Variants in RAB3C observed in about 807,000 individuals in gnomAD.
The protein encoded by RAB3C is RAB3C, member RAS oncogene family.
A neutral mutation model predicts 26.4 loss-of-function variants in RAB3C; 17 were observed. The ratio of observed to expected loss-of-function variants is 0.64; its 90% confidence interval spans 0.44 to 0.97. The LOEUF is 0.97. Among genes scored for constraint, RAB3C ranks in the 50% least tolerant of loss-of-function variants. The pLI is 0.00. For synonymous variants in RAB3C, 91 were observed against 95.9 expected, an observed-to-expected ratio of 0.95 and a Z score of 0.30; for missense variants, 242 against 281.9, an observed-to-expected ratio of 0.86 and a Z score of 1.01.
intron 2 of RAB3C, among the ~76,000 whole-genome samples, chr5:58,675,077 G>T (rs1748194933): frequency 6.6e-6 from 1 of 152,056 alleles, no homozygotes; most frequent in Non-Finnish European, 1.5e-5. Context: ...CTACAGCTTA[G>T]GCTTTTCTTT....
At chr5:58,729,391 A>T (rs1447748960) in intron 3 of RAB3C, among the ~76,000 whole-genome samples, 5 of 151,828 alleles carry the variant, frequency 3.3e-5, no homozygotes, top group Non-Finnish European at 7.4e-5. Context: ...CTTATATTTA[A>T]ATGGTAACTC....
chr5:58,783,035 C>A (rs1742305024), intron 3 of RAB3C, among the ~76,000 whole-genome samples: 1 of 152,004 alleles, frequency 6.6e-6, no homozygotes, highest in Non-Finnish European at 1.5e-5. Context: ...TGTAACACTG[C>A]ATTTTCATAA....
At position 58,583,650 on chromosome 5, in the gene RAB3C, AGCGAATTCCGCTTGGTTAAAG is replaced by A. The variant is rs1178736253; in HGVS notation, c.24+422_24+442del. Among the ~76,000 whole-genome samples, 4 of 152,122 alleles carry A rather than the reference AGCGAATTCCGCTTGGTTAAAG, an allele frequency of 2.6e-5. No homozygotes were observed. In the South Asian group the frequency reaches 8.3e-4, roughly 32 times the overall value. Reference sequence around the variant, plus strand: ...AGGCTCCCCACTGGAGTCGGCATAGAGCGAATTCCGCTTGGTTAAAGGCGCATTAAATAAAGAGAAGCCAAT... The same window carrying A: ...AGGCTCCCCACTGGAGTCGGCATAGAGCGCATTAAATAAAGAGAAGCCAAT... On this transcript the variant is annotated intron_variant, in intron 1 of 4. Coordinates refer to ENST00000282878, the MANE Select transcript of RAB3C (RefSeq NM_138453.4).
chr5:58,688,171 G>A (rs159002), intron 2 of RAB3C, among the ~76,000 whole-genome samples: 86,964 of 151,854 alleles, frequency 0.57, 25,362 homozygotes, highest in African/African-American at 0.67. Flanking sequence ...AAGGAATCTC[G>A]TAAAGATGTT....
intron 3 of RAB3C, among the ~76,000 whole-genome samples, chr5:58,797,365 T>A (rs1255487132): frequency 0.42 from 12,617 of 30,372 alleles, 1,750 homozygotes; most frequent in Middle Eastern, 0.54. Context: ...TATGTATATA[T>A]ATAATATATA....
At chr5:58,678,339 C>A (rs1409673870) in intron 2 of RAB3C, among the ~76,000 whole-genome samples, 2 of 151,962 alleles carry the variant, frequency 1.3e-5, no homozygotes, top group East Asian at 3.9e-4. Flanking sequence ...CTACAAATAG[C>A]TGAAATTTTT....
chr5:58,851,254 C>G lies in RAB3C; in HGVS notation c.587C>G (p.Ser196Ter). ...RLVDIICDKM[S>*]ESLETDPAIT... ...GTGGATATCATCTGCGACAAAATGT[C>G]AGAGAGTTTGGAGACTGATCCTGCC... Residue 196 changes from serine to a stop codon, truncating the protein, a stop_gained, in exon 5 of 5, where the codon TCA becomes TGA. Transcript: ENST00000282878. LOFTEE classifies it high-confidence loss of function. 6.2e-7 allele frequency: 1 copy of G among 1,613,936 alleles called. No homozygotes were observed. The highest frequency in any genetic ancestry group is 8.5e-7 in the Non-Finnish European group (1 of 1,179,908).
At chr5:58,742,264 C>A (rs1561306964) in intron 3 of RAB3C, among the ~76,000 whole-genome samples, 1 of 152,176 alleles carries the variant, frequency 6.6e-6, no homozygotes, top group Non-Finnish European at 1.5e-5. Context: ...GCTTCATTGC[C>A]ACTGAAGTTA....
intron 2 of RAB3C, among the ~76,000 whole-genome samples, chr5:58,696,916 A>G (rs1241076677): frequency 6.6e-6 from 1 of 151,964 alleles, no homozygotes. Context: ...TTGTGTCTCT[A>G]TCTCTTTCAG....
chr5:58,606,085 C>T (rs1344724724), intron 1 of RAB3C, among the ~76,000 whole-genome samples: 1 of 152,174 alleles, frequency 6.6e-6, no homozygotes, highest in Admixed American at 6.5e-5. Flanking sequence ...TGAGCTGAAG[C>T]AGGGTGGGGC....
intron 3 of RAB3C, among the ~76,000 whole-genome samples, chr5:58,761,009 A>G (rs180733179): frequency 9.3e-5 from 14 of 151,348 alleles, no homozygotes; most frequent in Non-Finnish European, 2.9e-5. Flanking sequence ...ATAGAACATG[A>G]GTTATATATG....
In RAB3C at chr5:58,777,863, C is replaced by T. The variant is rs190808449; in HGVS notation, c.372-47175C>T. Among the ~76,000 whole-genome samples, 289 of 151,848 alleles carry T rather than the reference C, an allele frequency of 1.9e-3. 2 individuals carry two copies. Among genetic ancestry groups the T allele is most frequent in the African/African-American group, 6.5e-3 (268 of 41,420 alleles). The stretch of plus-strand genomic sequence containing the variant: ...TGTGGTGTTTGGTTTTTTGTCCTTG[C>T]GATAGTTTTCTGAGAATGATGATTT... On this transcript the variant is annotated intron_variant, in intron 3 of 4. Coordinates refer to ENST00000282878, the MANE Select transcript of RAB3C (RefSeq NM_138453.4).
At chr5:58,672,490 T>A (rs1048877819) in intron 2 of RAB3C, among the ~76,000 whole-genome samples, 5 of 152,186 alleles carry the variant, frequency 3.3e-5, no homozygotes, top group African/African-American at 1.2e-4. Context: ...TTCTCGAAGG[T>A]CATATCTATG....
chr5:58,721,192 C>T (rs1168894127), intron 2 of RAB3C, among the ~76,000 whole-genome samples: 2 of 146,560 alleles, frequency 1.4e-5, no homozygotes, highest in Non-Finnish European at 3.0e-5. Flanking sequence ...CAAAATTCCC[C>T]TAAAAACATG....
chr5:58,625,749 T>G (rs570421844), intron 2 of RAB3C, among the ~76,000 whole-genome samples: 2 of 151,260 alleles, frequency 1.3e-5, no homozygotes, highest in African/African-American at 4.9e-5. Context: ...CCCAGCTACT[T>G]AGGAGGCTGA....
intron 4 of RAB3C, among the ~76,000 whole-genome samples, chr5:58,839,444 C>T (rs1282730161): frequency 6.6e-6 from 1 of 151,810 alleles, no homozygotes; most frequent in Non-Finnish European, 1.5e-5. Context: ...AATCTTGGCT[C>T]ACCACAACAT....
At chr5:58,796,748 A>G (rs1378980808) in intron 3 of RAB3C, among the ~76,000 whole-genome samples, 1 of 152,146 alleles carries the variant, frequency 6.6e-6, no homozygotes, top group African/African-American at 2.4e-5. Flanking sequence ...GGAGAAACCC[A>G]GCTACTGCCA....
Position 58,718,425 on chromosome 5 carries a change from C to G in RAB3C, c.253-7577C>G, listed in dbSNP as rs190776551. Among the ~76,000 whole-genome samples, 8 of 152,092 alleles carry G rather than the reference C, an allele frequency of 5.3e-5. No homozygotes were observed. In the East Asian group the frequency reaches 1.5e-3, roughly 29 times the overall value. ...GTCAGGGTATTACTGAAAATGGAGT[C>G]AAAGGCCCCTTATAAAAAAGCTATC... On this transcript the variant is annotated intron_variant, in intron 2 of 4. Coordinates refer to ENST00000282878, the MANE Select transcript of RAB3C (RefSeq NM_138453.4).
intron 3 of RAB3C, among the ~76,000 whole-genome samples, chr5:58,758,810 C>T (rs1380180291): frequency 1.3e-5 from 2 of 151,796 alleles, no homozygotes; most frequent in East Asian, 3.9e-4. Context: ...ATCGTGATCT[C>T]TCATGAATGT....
Sources: allele counts gnomAD v4.1 joint callset (sites outside exome capture counted in the v4.1 genomes callset), GRCh38; gene constraint gnomAD v4.1.1; transcripts MANE v1.5; gene names NCBI Gene and HGNC (gene_info 2026-07-23, HGNC 2026-07-21).